The following WDR62 variants were observed in gnomAD, a reference collection of about 807,000 sequenced individuals.
WDR62 encodes the protein WD repeat domain 62.
In WDR62, 112 loss-of-function variants were observed where a neutral mutation model predicts 160.6. The observed-to-expected ratio is 0.70, with a 90% CI of 0.60 to 0.82. The LOEUF is 0.82. WDR62 is among the 40% of genes least tolerant of loss of function. WDR62 has a pLI of 0.00. For synonymous variants in WDR62, 792 were observed against 815.1 expected, an observed-to-expected ratio of 0.97 and a Z score of 0.48; for missense variants, 1,819 against 1,983.8, an observed-to-expected ratio of 0.92 and a Z score of 1.58.
Position 36,103,852 on chromosome 19 carries a change from T to C in WDR62, c.4024T>C (p.Ser1342Pro). 1 of 1,603,938 alleles carries C rather than the reference T, an allele frequency of 6.2e-7. No homozygotes were observed. The highest frequency in any genetic ancestry group is 8.5e-7 in the Non-Finnish European group (1 of 1,179,840). Residue 1342 changes from serine (S) to proline (P), a missense_variant, in exon 30 of 32, where the codon TCT becomes CCT. By Grantham distance (74) the Ser-to-Pro change is moderately conservative. Around this residue, in one of 3 missense-constraint regions of WDR62, gnomAD observed 770 missense variants for 734.2 expected, o/e 1.05. Coordinates refer to ENST00000401500, the MANE Select transcript of WDR62 (RefSeq NM_001083961.2). Reference protein sequence around the residue: ...VEESALRLHGSAFRPSLPAPE... With the variant: ...VEESALRLHGPAFRPSLPAPE... ...AGAGAGCGCCCTGAGGCTCCACGGCTCTGCCTTTCGCCCAAGTCTCCCAGC... is the reference window on the plus strand; with the variant it reads ...AGAGAGCGCCCTGAGGCTCCACGGCCCTGCCTTTCGCCCAAGTCTCCCAGC...
At chr19:36,088,942 C>T in intron 13 of WDR62, 96 bp from the exon 14 acceptor site, 1 of 1,387,934 alleles carries the variant, frequency 7.2e-7, no homozygotes, top group South Asian at 1.2e-5. Flanking sequence ...GATCCCAGCA[C>T]AGTTGATTGA....
chr19:36,099,695 C>A, intron 22 of WDR62, 78 bp downstream of exon 22: 1 of 1,400,394 alleles, frequency 7.1e-7, no homozygotes, highest in East Asian at 2.3e-5. Context: ...AGGCTGACTC[C>A]CACTCCATGG....
At chr19:36,079,866 C>G (rs981332101) in intron 9 of WDR62, among the ~76,000 whole-genome samples, 1 of 152,064 alleles carries the variant, frequency 6.6e-6, no homozygotes, top group Non-Finnish European at 1.5e-5. Context: ...TAAATGTTGT[C>G]TGTAGGTTTG....
chr19:36,099,305 C>G, intron 21 of WDR62, 94 bp from the exon 22 acceptor site: 1 of 991,910 alleles, frequency 1.0e-6, no homozygotes, highest in Non-Finnish European at 1.6e-6. Context: ...GTATTGAAAG[C>G]CAAGAGTCCA....
At chr19:36,055,654 C>T (rs951991029) in intron 1 of WDR62, among the ~76,000 whole-genome samples, 9 of 151,954 alleles carry the variant, frequency 5.9e-5, no homozygotes, top group African/African-American at 1.9e-4. Flanking sequence ...TATTGTCACT[C>T]AAAACTATGA....
At chr19:36,079,633 C>T (rs1346562965) in intron 9 of WDR62, among the ~76,000 whole-genome samples, 1 of 152,176 alleles carries the variant, frequency 6.6e-6, no homozygotes, top group Non-Finnish European at 1.5e-5. Flanking sequence ...TGGATGAAAC[C>T]CTCCTACTTT....
At chr19:36,059,001 T>G in intron 2 of WDR62, 130 bp downstream of exon 2, 1 of 793,300 alleles carries the variant, frequency 1.3e-6, no homozygotes. Context: ...GGCCTGCCTC[T>G]GAGAGCTGTG....
At chr19:36,102,247 G>A in intron 26 of WDR62, 96 bp downstream of exon 26, 1 of 1,571,652 alleles carries the variant, frequency 6.4e-7, no homozygotes. Context: ...AGGGCCAGGA[G>A]GGTGAGTGGA....
chr19:36,078,460 T>G lies in WDR62; in HGVS notation c.1234-2973T>G, dbSNP rs533893708. 3.3e-5 allele frequency among the ~76,000 whole-genome samples: 5 copies of G among 152,244 alleles called. No homozygotes were observed. The East Asian group carries it at 9.7e-4, about 29-fold the overall frequency. Reference sequence around the variant, plus strand: ...ACTGTGCCTGACGTAGTTCTTTCTTTCAGTTACATCACTTTGTTTCTGAGT... The same window carrying G: ...ACTGTGCCTGACGTAGTTCTTTCTTGCAGTTACATCACTTTGTTTCTGAGT... On this transcript the variant is annotated intron_variant, in intron 9 of 31. Transcript: ENST00000401500.
At chr19:36,059,865 C>G in intron 2 of WDR62, 103 bp from the exon 3 acceptor site, 2 of 1,237,460 alleles carry the variant, frequency 1.6e-6, no homozygotes, top group Non-Finnish European at 2.4e-6. Flanking sequence ...CCAGAGAGAA[C>G]CGAGGGAGCT....
In WDR62 at chr19:36,103,539, T is replaced by G. The variant is rs887740291; in HGVS notation, c.3711T>G (p.Ser1237Arg). The G allele has an allele frequency of 6.2e-7, 1 of 1,614,000 alleles. No individual in the cohort carries two copies. The highest frequency in any genetic ancestry group is 1.3e-5 in the African/African-American group (1 of 75,036). The change falls in exon 30 of 32, where the codon AGT becomes AGG. Residue 1237 changes from serine (S) to arginine (R), a missense_variant. Physicochemically the swap from Ser to Arg is moderately radical, Grantham distance 110 (BLOSUM62 -1). Around this residue, in one of 3 missense-constraint regions of WDR62, gnomAD observed 770 missense variants for 734.2 expected, o/e 1.05. Transcript: ENST00000401500. ...CACGCAGCATCTCCCTCGGTGACAG[T>G]GAGGGCCCTATCGTGGCCACACTGG... ...RISRSISLGDSEGPIVATLAQ... is the reference protein window; with the variant it reads ...RISRSISLGDREGPIVATLAQ...
chr19:36,106,362 CAAAAAAAAAAA>C (rs10668126), downstream of WDR62, among the ~76,000 whole-genome samples: 6 of 115,262 alleles, frequency 5.2e-5, no homozygotes, highest in African/African-American at 1.3e-4. Context: ...CAGCAAGTCT[CAAAAAAAAAAA>C]AAAAAAAAAT....
chr19:36,087,330 C>G (rs1191646790), intron 13 of WDR62, among the ~76,000 whole-genome samples: 1 of 151,780 alleles, frequency 6.6e-6, no homozygotes, highest in African/African-American at 2.4e-5. Context: ...CATAGTGAAA[C>G]CCCATCTCTA....
At chr19:36,093,065 G>GGGA (rs1972731637) in intron 19 of WDR62, among the ~76,000 whole-genome samples, 1 of 152,178 alleles carries the variant, frequency 6.6e-6, no homozygotes, top group Non-Finnish European at 1.5e-5. Context: ...TTGAACTCCT[G>GGGA]GGCCCAAGTG....
chr19:36,070,428 G>A (rs1372214431), intron 7 of WDR62: 4 of 152,098 alleles, frequency 2.6e-5, no homozygotes, highest in South Asian at 2.1e-4. Context: ...CACTGCGCCC[G>A]GCCATAAACT....
chr19:36,107,339 A>G (rs11084842), downstream of WDR62, among the ~76,000 whole-genome samples: 152,322 of 152,322 alleles, frequency 1, 76,161 homozygotes, highest in Non-Finnish European at 1. Context: ...GCCTGGCATA[A>G]GCCTGGAAGC....
intron 21 of WDR62, 82 bp from the exon 22 acceptor site, chr19:36,099,317 A>G: frequency 8.6e-7 from 1 of 1,156,430 alleles, no homozygotes; most frequent in South Asian, 1.3e-5. Context: ...AAGAGTCCAG[A>G]TGGGCTGTGT....
chr19:36,093,964 A>T, intron 19 of WDR62, 67 bp from the exon 20 acceptor site: 1 of 1,596,558 alleles, frequency 6.3e-7, no homozygotes, highest in Non-Finnish European at 8.6e-7. Context: ...GCCCAGCCCT[A>T]GGCAAGTCCC....
chr19:36,058,677 T>C (rs1162649818), intron 1 of WDR62, 103 bp from the exon 2 acceptor site: 2 of 827,830 alleles, frequency 2.4e-6, no homozygotes, highest in Non-Finnish European at 4.1e-6. Context: ...AGAAGCTCAG[T>C]GTGGGTGTTG....
Sources: allele counts gnomAD v4.1 joint callset (sites outside exome capture counted in the v4.1 genomes callset), GRCh38; gene constraint gnomAD v4.1.1; regional missense constraint gnomAD v4.1.1; transcripts MANE v1.5; gene names NCBI Gene and HGNC (gene_info 2026-07-23, HGNC 2026-07-21).